SPIRE1: variants seen among roughly 807,000 people sequenced by gnomAD.
The protein encoded by SPIRE1 is protein spire homolog 1.
SPIRE1 carries 40 observed loss-of-function variants against 94.1 expected under a neutral mutation model. That is an observed-to-expected ratio of 0.43 (90% CI 0.33 to 0.55). The LOEUF (loss-of-function observed/expected upper bound fraction) is 0.55. Among genes scored for constraint, SPIRE1 ranks in the 20% least tolerant of loss-of-function variants. SPIRE1 has a pLI of 0.06. For missense variants in SPIRE1, 838 were observed against 975.2 expected (o/e 0.86, Z 1.87); for synonymous variants, 376 against 371.7 (o/e 1.01, Z -0.13).
At chr18:12,512,142 A>T (rs2034052483) in intron 5 of SPIRE1, among the ~76,000 whole-genome samples, 1 of 152,130 alleles carries the variant, frequency 6.6e-6, no homozygotes, top group Non-Finnish European at 1.5e-5. Flanking sequence ...AGGTGGGAGG[A>T]TCACATAAGG....
At chr18:12,576,301 T>C (rs1369885433) in intron 2 of SPIRE1, among the ~76,000 whole-genome samples, 1 of 151,996 alleles carries the variant, frequency 6.6e-6, no homozygotes, top group Non-Finnish European at 1.5e-5. Context: ...ACTACCTAAT[T>C]TTAAGACTTA....
chr18:12,513,102 C>T (rs1040180692), intron 4 of SPIRE1, among the ~76,000 whole-genome samples: 16 of 152,118 alleles, frequency 1.1e-4, no homozygotes, highest in African/African-American at 3.9e-4. Flanking sequence ...AGTGCCTTCC[C>T]TCTAGACTTC....
intron 2 of SPIRE1, among the ~76,000 whole-genome samples, chr18:12,622,702 G>A (rs540406031): frequency 6.6e-6 from 1 of 152,160 alleles, no homozygotes; most frequent in South Asian, 2.1e-4. Flanking sequence ...GATTACAGGC[G>A]TGAGCCACTG....
At chr18:12,613,729 G>A (rs748224409) in intron 2 of SPIRE1, among the ~76,000 whole-genome samples, 11 of 150,852 alleles carry the variant, frequency 7.3e-5, no homozygotes, top group Non-Finnish European at 1.5e-4. Context: ...GTGAAAGGCC[G>A]TCTCTACTAA....
At chr18:12,620,912 T>C (rs576513075) in intron 2 of SPIRE1, among the ~76,000 whole-genome samples, 7 of 152,044 alleles carry the variant, frequency 4.6e-5, no homozygotes, top group Admixed American at 4.6e-4. Flanking sequence ...TGATAAGAAA[T>C]TTTATCTACA....
chr18:12,514,109 G>A (rs1301292760), intron 4 of SPIRE1, among the ~76,000 whole-genome samples: 1 of 152,088 alleles, frequency 6.6e-6, no homozygotes, highest in African/African-American at 2.4e-5. Context: ...CAAACGGCTG[G>A]GATTATAGCC....
At chr18:12,467,167 A>G (rs1303757069) in intron 10 of SPIRE1, among the ~76,000 whole-genome samples, 1 of 152,180 alleles carries the variant, frequency 6.6e-6, no homozygotes, top group East Asian at 1.9e-4. Flanking sequence ...AATCCCAGCT[A>G]CTTGGGAGGC....
chr18:12,452,158 A>G, intron 16 of SPIRE1, 97 bp downstream of exon 16: 2 of 1,456,850 alleles, frequency 1.4e-6, no homozygotes, highest in South Asian at 1.3e-5. Context: ...ACCAATAAAA[A>G]CCCCTCGAGC....
chr18:12,518,256 C>T (rs1045598739), intron 4 of SPIRE1, among the ~76,000 whole-genome samples: 2 of 152,096 alleles, frequency 1.3e-5, no homozygotes, highest in Non-Finnish European at 1.5e-5. Flanking sequence ...GTGGTCTGCC[C>T]GTCTTGGAGT....
intron 1 of SPIRE1, among the ~76,000 whole-genome samples, chr18:12,641,178 T>C (rs1223745039): frequency 6.6e-6 from 1 of 152,284 alleles, no homozygotes; most frequent in Non-Finnish European, 1.5e-5. Flanking sequence ...CTCAAACATT[T>C]GACCAAAACT....
intron 2 of SPIRE1, among the ~76,000 whole-genome samples, chr18:12,565,990 G>A (rs2035809471): frequency 6.7e-6 from 1 of 149,064 alleles, no homozygotes; most frequent in Non-Finnish European, 1.5e-5. Context: ...CCAAGATCGT[G>A]CCATTGCACT....
At chr18:12,499,011 G>A (rs182450449) in intron 6 of SPIRE1, among the ~76,000 whole-genome samples, 1 of 152,242 alleles carries the variant, frequency 6.6e-6, no homozygotes, top group East Asian at 1.9e-4. Context: ...CAATCTTCCT[G>A]CCTTGGCCTC....
chr18:12,496,726 G>A (rs1364832025), intron 6 of SPIRE1, among the ~76,000 whole-genome samples: 7 of 152,024 alleles, frequency 4.6e-5, no homozygotes, highest in African/African-American at 7.3e-5. Flanking sequence ...AAAATTAGCC[G>A]GGCGTGGTGG....
Position 12,579,678 on chromosome 18 carries a change from G to A in SPIRE1, c.373-32774C>T, listed in dbSNP as rs193195444. On this transcript the variant is annotated intron_variant, in intron 2 of 16. Transcript: ENST00000409402. ...AGAGGCTGCTACAATTTCTTGGGGA[G>A]CATTACCATGCAGCAACATTCACAA... is the stretch of plus-strand genomic sequence containing the variant. Among the ~76,000 whole-genome samples, 29 of 152,308 alleles carry A rather than the reference G, an allele frequency of 1.9e-4. No homozygotes were observed. In the East Asian group the frequency reaches 5.0e-3, roughly 26 times the overall value.
chr18:12,489,142 C>G (rs567583477), intron 8 of SPIRE1, among the ~76,000 whole-genome samples: 1 of 152,194 alleles, frequency 6.6e-6, no homozygotes, highest in South Asian at 2.1e-4. Flanking sequence ...GAGCCAAGAT[C>G]GCACCACTGC....
intron 2 of SPIRE1, among the ~76,000 whole-genome samples, chr18:12,569,136 C>G (rs138857367): frequency 1.3e-5 from 2 of 152,054 alleles, no homozygotes; most frequent in South Asian, 2.1e-4. Context: ...GTCAGGAGAT[C>G]GAGACCATCC....
chr18:12,569,317 G>C (rs1272818478), intron 2 of SPIRE1, among the ~76,000 whole-genome samples: 1 of 149,756 alleles, frequency 6.7e-6, no homozygotes, highest in African/African-American at 2.5e-5. Flanking sequence ...CTCCTGCCTG[G>C]GCGACAGAGT....
chr18:12,512,403 T>C (rs1157338087), intron 5 of SPIRE1, 51 bp downstream of exon 5: 1 of 1,338,124 alleles, frequency 7.5e-7, no homozygotes, highest in Admixed American at 2.1e-5. Flanking sequence ...AAAAAAAAAT[T>C]ATACTATTTC....
In SPIRE1 at chr18:12,559,281, G is replaced by A. The variant is rs982081630; in HGVS notation, c.373-12377C>T. ...GTGAGAATTCGAGCACAGTGCAGGC[G>A]GGCCAGCAGTGCTGGGGGACCCAGC... On this transcript the variant is annotated intron_variant, in intron 2 of 16. Coordinates refer to ENST00000409402, the MANE Select transcript of SPIRE1 (RefSeq NM_001128626.2). This position sits in a 1 kb window ranked among gnomAD's most constrained non-coding sequence, Gnocchi z 4.7. Among the ~76,000 whole-genome samples the A allele has an allele frequency of 4.9e-4, 75 of 152,272 alleles. No homozygotes were observed. Among genetic ancestry groups the A allele is most frequent in the African/African-American group, 1.6e-3 (67 of 41,572 alleles).
Sources: gnomAD v4.1 joint callset for allele counts (sites outside exome capture counted in the v4.1 genomes callset) on GRCh38, gnomAD v4.1.1 for gene constraint, Gnocchi (gnomAD v3.1) non-coding constraint, MANE v1.5 for transcripts, NCBI Gene and HGNC (gene_info 2026-07-23, HGNC 2026-07-21) for gene names.